CALN1: variants seen among roughly 807,000 people sequenced by gnomAD.
The protein encoded by CALN1 is calneuron 1.
CALN1 carries 17 observed loss-of-function variants against 30.6 expected under a neutral mutation model. That is an observed-to-expected ratio of 0.56 (90% CI 0.38 to 0.83). CALN1 has a LOEUF of 0.83. Among genes scored for constraint, CALN1 ranks in the 40% least tolerant of loss-of-function variants. The pLI, the probability that CALN1 is intolerant of heterozygous loss-of-function variation, is 0.00. For missense variants in CALN1, 291 were observed against 354.9 expected (o/e 0.82, Z 1.45); for synonymous variants, 156 against 131.4 (o/e 1.19, Z -1.28).
At chr7:72,018,290 G>A (rs552688618) in intron 5 of CALN1, among the ~76,000 whole-genome samples, 1 of 152,172 alleles carries the variant, frequency 6.6e-6, no homozygotes, top group East Asian at 1.9e-4. Flanking sequence ...TTCTTGGCAG[G>A]TGCAATTAAC....
intron 5 of CALN1, among the ~76,000 whole-genome samples, chr7:71,928,022 A>T (rs1795356181): frequency 1.3e-5 from 2 of 152,112 alleles, no homozygotes; most frequent in Non-Finnish European, 2.9e-5. Flanking sequence ...CCCCTTCTCC[A>T]GCATCCTAAG....
chr7:72,410,888 T>A (rs967567873), intron 1 of CALN1, among the ~76,000 whole-genome samples: 2 of 152,152 alleles, frequency 1.3e-5, no homozygotes, highest in African/African-American at 4.8e-5. Flanking sequence ...CTGCTACTAT[T>A]AACACTGTAT....
chr7:72,280,415 T>C (rs947652464), intron 2 of CALN1, among the ~76,000 whole-genome samples: 2 of 152,196 alleles, frequency 1.3e-5, no homozygotes, highest in African/African-American at 4.8e-5. Flanking sequence ...GTATATGCAT[T>C]TGCCAATTAT....
chr7:72,104,774 T>G (rs754776350), intron 4 of CALN1, among the ~76,000 whole-genome samples: 10 of 151,968 alleles, frequency 6.6e-5, no homozygotes, highest in Non-Finnish European at 1.2e-4. Flanking sequence ...CTGGCCAACA[T>G]GGCGAAACTC....
intron 2 of CALN1, among the ~76,000 whole-genome samples, chr7:72,294,042 G>A (rs1274862893): frequency 6.6e-6 from 1 of 151,914 alleles, no homozygotes; most frequent in Non-Finnish European, 1.5e-5. Flanking sequence ...AGGCTGTGGT[G>A]AGCCGAGACC....
At chr7:71,932,657 CA>C (rs961353190) in intron 5 of CALN1, among the ~76,000 whole-genome samples, 15 of 146,960 alleles carry the variant, frequency 1.0e-4, no homozygotes, top group East Asian at 2.0e-4. Flanking sequence ...ACTAAAAATA[CA>C]AAAAAAAAAT....
chr7:71,913,172 A>G (rs1164716970), intron 5 of CALN1, among the ~76,000 whole-genome samples: 2 of 152,234 alleles, frequency 1.3e-5, no homozygotes, highest in Admixed American at 6.5e-5. Flanking sequence ...TTCACCAGAA[A>G]GAGGAAAAGT....
chr7:72,394,353 G>A (rs1373339245), intron 2 of CALN1, among the ~76,000 whole-genome samples: 1 of 152,144 alleles, frequency 6.6e-6, no homozygotes, highest in Non-Finnish European at 1.5e-5. Context: ...TGACCCAGAT[G>A]TTTCACTTCT....
chr7:72,374,762 T>C (rs1235471013), intron 2 of CALN1, among the ~76,000 whole-genome samples: 1 of 152,126 alleles, frequency 6.6e-6, no homozygotes, highest in African/African-American at 2.4e-5. Flanking sequence ...GTGCAATAAA[T>C]TTCCTCATGT....
intron 5 of CALN1, among the ~76,000 whole-genome samples, chr7:71,979,011 G>C (rs1260276765): frequency 6.6e-6 from 1 of 152,106 alleles, no homozygotes; most frequent in Non-Finnish European, 1.5e-5. Context: ...TCCCTCCAGA[G>C]AAAGTGCAAA....
chr7:72,484,811 C>CT, the CALN1 span, among the ~76,000 whole-genome samples: 1 of 152,118 alleles, frequency 6.6e-6, no homozygotes, highest in African/African-American at 2.4e-5. Flanking sequence ...TGCCTCGTTT[C>CT]TTTATCATCT....
intron 5 of CALN1, among the ~76,000 whole-genome samples, chr7:71,890,787 C>G (rs1584456782): frequency 1.5e-5 from 2 of 131,994 alleles, no homozygotes; most frequent in African/African-American, 5.4e-5. Flanking sequence ...ACTCTGTTGC[C>G]CAGACTGGAG....
At chr7:72,104,013 C>CA (rs754103229) in intron 4 of CALN1, 3 of 152,782 alleles carry the variant, frequency 2.0e-5, no homozygotes, top group Non-Finnish European at 4.4e-5. Context: ...CCCCTTCCAT[C>CA]AGTCTGCTGG....
the CALN1 span, among the ~76,000 whole-genome samples, chr7:72,494,988 C>T: frequency 6.0e-5 from 3 of 49,878 alleles, no homozygotes; most frequent in African/African-American, 2.5e-4. Context: ...TAAGCTGCAA[C>T]GCCTGCATGA....
chr7:72,452,237 G>T, the CALN1 span, among the ~76,000 whole-genome samples: 1 of 152,240 alleles, frequency 6.6e-6, no homozygotes, highest in East Asian at 1.9e-4. Context: ...CTCACTCCTT[G>T]TGGGGTCTCT....
intron 3 of CALN1, among the ~76,000 whole-genome samples, chr7:72,197,111 T>C (rs1791071301): frequency 1.3e-5 from 2 of 152,066 alleles, no homozygotes; most frequent in Admixed American, 1.3e-4. Flanking sequence ...TAATTTCTTA[T>C]TGCTTAATTT....
rs28513527 is a variant in CALN1 at position 72,418,849 on chromosome 7, A to G, written c.-225-6574T>C. On this transcript the variant is annotated intron_variant, in intron 1 of 6. Transcript: ENST00000395276. ...AACATGGCGAGACCCCGTCTCTACC[A>G]AAAAATCTTTTTAAAAATTAGCCAG... Among the ~76,000 whole-genome samples, 549 of 152,146 alleles carry G rather than the reference A, an allele frequency of 3.6e-3. 1 individual carries two copies. Among genetic ancestry groups the G allele is most frequent in the African/African-American group, 0.012 (517 of 41,516 alleles).
chr7:71,852,540 C>A (rs1362724184), intron 5 of CALN1, among the ~76,000 whole-genome samples: 1 of 151,014 alleles, frequency 6.6e-6, no homozygotes, highest in Non-Finnish European at 1.5e-5. Context: ...TTTGAGGCTG[C>A]AGTGAACCAT....
chr7:72,480,821 A>G, the CALN1 span, among the ~76,000 whole-genome samples: 4 of 152,334 alleles, frequency 2.6e-5, no homozygotes, highest in African/African-American at 4.8e-5. Context: ...GGCCAAAAAA[A>G]AAAATTGTTC....
Sources: allele counts gnomAD v4.1 joint callset (sites outside exome capture counted in the v4.1 genomes callset), GRCh38; gene constraint gnomAD v4.1.1; transcripts MANE v1.5; gene names NCBI Gene and HGNC (gene_info 2026-07-23, HGNC 2026-07-21).